The following LYRM4 variants were observed in gnomAD, a reference collection of about 807,000 sequenced individuals.
LYRM4 encodes the protein LYR motif-containing protein 4.
A neutral mutation model predicts 11.7 loss-of-function variants in LYRM4; 9 were observed. The observed-to-expected ratio is 0.77, with a 90% CI of 0.46 to 1.34. The LOEUF is 1.34. Ranked by LOEUF, LYRM4 falls within the 40% of genes most tolerant of loss-of-function variation. The pLI, the probability that LYRM4 is intolerant of heterozygous loss-of-function variation, is 0.00. For synonymous variants in LYRM4, 42 were observed against 40.4 expected (o/e 1.04, Z -0.15); for missense variants, 133 against 112.5 (o/e 1.18, Z -0.82).
At chr6:5,239,685 C>T (rs1403410332) in intron 1 of LYRM4, among the ~76,000 whole-genome samples, 2 of 152,164 alleles carry the variant, frequency 1.3e-5, no homozygotes, top group Non-Finnish European at 2.9e-5. Flanking sequence ...CAGACTGCAG[C>T]AGAGTGAGGA....
At chr6:5,120,991 C>A (rs547193340) in intron 2 of LYRM4, among the ~76,000 whole-genome samples, 2 of 152,288 alleles carry the variant, frequency 1.3e-5, no homozygotes, top group African/African-American at 4.8e-5. Context: ...GGGGTGGGGG[C>A]ACGCATGTCA....
intron 2 of LYRM4, among the ~76,000 whole-genome samples, chr6:5,119,810 A>C (rs963091238): frequency 3.3e-5 from 5 of 151,478 alleles, no homozygotes; most frequent in Non-Finnish European, 5.9e-5. Context: ...AAAAAAAAAA[A>C]AAAAAAAAAA....
intron 2 of LYRM4, among the ~76,000 whole-genome samples, chr6:5,138,968 T>C (rs1001162354): frequency 1.3e-5 from 2 of 152,254 alleles, no homozygotes; most frequent in South Asian, 2.1e-4. Flanking sequence ...AAAGTGATTG[T>C]TGCACATAAG....
chr6:5,120,376 G>A (rs144645434), intron 2 of LYRM4, among the ~76,000 whole-genome samples: 69 of 152,294 alleles, frequency 4.5e-4, no homozygotes, highest in African/African-American at 1.6e-3. Flanking sequence ...CTGCTTTGTA[G>A]TGTGCCCGGA....
the LYRM4 span, among the ~76,000 whole-genome samples, chr6:5,096,498 C>A: frequency 6.6e-6 from 1 of 151,972 alleles, no homozygotes. Context: ...AAAAAACAAA[C>A]ACAAAAATCC....
At chr6:5,085,593 G>T in the LYRM4 span, 1 of 1,546,382 alleles carries the variant, frequency 6.5e-7, no homozygotes. Context: ...CCTGTGTGCA[G>T]GGTGGCGGCG....
the LYRM4 span, among the ~76,000 whole-genome samples, chr6:5,041,787 G>A: frequency 4.6e-5 from 7 of 152,154 alleles, no homozygotes; most frequent in African/African-American, 1.4e-4. Context: ...TCTGCTTCTT[G>A]TAATTCATCT....
At chr6:5,259,370 A>T (rs1764840141) in intron 1 of LYRM4, among the ~76,000 whole-genome samples, 1 of 152,072 alleles carries the variant, frequency 6.6e-6, no homozygotes, top group Non-Finnish European at 1.5e-5. Flanking sequence ...TTATTATTAC[A>T]CTCTTTATTC....
the LYRM4 span, chr6:5,066,701 T>C: frequency 1.1e-6 from 1 of 884,688 alleles, no homozygotes; most frequent in Non-Finnish European, 1.9e-6. Context: ...GGTGTGGAGG[T>C]CTATTTTGTT....
chr6:5,124,792 C>G (rs1458874803), intron 2 of LYRM4, among the ~76,000 whole-genome samples: 2 of 152,326 alleles, frequency 1.3e-5, no homozygotes, highest in East Asian at 3.9e-4. Flanking sequence ...CTCTGCCTCC[C>G]CAGAGATTAT....
chr6:5,172,419 CCA>C (rs1250817765), intron 2 of LYRM4, among the ~76,000 whole-genome samples: 1 of 152,162 alleles, frequency 6.6e-6, no homozygotes, highest in East Asian at 1.9e-4. Flanking sequence ...GGAACGATGA[CCA>C]CAGTTTCACG....
At chr6:5,086,622 C>A in the LYRM4 span, 1 of 1,332,584 alleles carries the variant, frequency 7.5e-7, no homozygotes, top group Non-Finnish European at 1.0e-6. Context: ...GCTCGGGCTG[C>A]CGCCTCAAGG....
At chr6:5,130,637 C>A (rs973742668) in intron 2 of LYRM4, among the ~76,000 whole-genome samples, 2 of 152,034 alleles carry the variant, frequency 1.3e-5, no homozygotes, top group African/African-American at 4.8e-5. Flanking sequence ...GAGAGGAAGA[C>A]AACAAGTGGT....
At position 5,108,927 on chromosome 6, in the gene LYRM4, G is replaced by C. The variant is rs1231104760; in HGVS notation, c.*496C>G. 10 of 995,782 alleles carry C rather than the reference G, an allele frequency of 1.0e-5. No individual in the cohort carries two copies. The highest frequency in any genetic ancestry group is 1.2e-5 in the Non-Finnish European group (10 of 835,360). 61.7% of individuals were successfully genotyped at this position (995,782 alleles called of 1,614,324 possible). ...TACTCCATGCTGCCCCCAGTCTCAA[G>C]TGGTGCTTGAACTTGCCTTCACCAA... is the stretch of plus-strand genomic sequence containing the variant. On this transcript the variant is annotated 3_prime_UTR_variant, in exon 3 of 3. Coordinates refer to ENST00000330636, the MANE Select transcript of LYRM4 (RefSeq NM_020408.6).
At position 5,127,374 on chromosome 6, in the gene LYRM4, C is replaced by T. The variant is rs143475427; in HGVS notation, c.208-17883G>A. 1.1e-4 allele frequency among the ~76,000 whole-genome samples: 16 copies of T among 152,246 alleles called. No individual in the cohort carries two copies. The East Asian group carries it at 2.9e-3, about 28-fold the overall frequency. On this transcript the variant is annotated intron_variant, in intron 2 of 2. Transcript: ENST00000330636. Reference sequence around the variant, plus strand: ...CGCTGCGATTACAGGCATAAGCCACCGTGCCCGGCTGAATAATATACCTTA... The same window carrying T: ...CGCTGCGATTACAGGCATAAGCCACTGTGCCCGGCTGAATAATATACCTTA...
intron 2 of LYRM4, among the ~76,000 whole-genome samples, chr6:5,177,479 C>T (rs966195486): frequency 6.6e-6 from 1 of 152,234 alleles, no homozygotes; most frequent in African/African-American, 2.4e-5. Context: ...GAGACACAAG[C>T]TCTTGGTGTC....
At chr6:5,051,269 T>C in the LYRM4 span, among the ~76,000 whole-genome samples, 2 of 152,134 alleles carry the variant, frequency 1.3e-5, no homozygotes, top group East Asian at 3.9e-4. Flanking sequence ...TTTGAATAAA[T>C]AGTGGTTAAA....
At chr6:5,066,876 A>G in the LYRM4 span, 1 of 991,816 alleles carries the variant, frequency 1.0e-6, no homozygotes, top group South Asian at 1.6e-5. Context: ...CCTCGCCGGC[A>G]AGTGCTTTCG....
Position 5,254,808 on chromosome 6 carries a change from C to T in LYRM4, c.86+5840G>A, listed in dbSNP as rs146498502. Among the ~76,000 whole-genome samples the T allele has an allele frequency of 4.5e-3, 693 of 152,310 alleles. 2 individuals are homozygous for T. The highest frequency in any genetic ancestry group is 7.3e-3 in the Non-Finnish European group (496 of 68,018). On this transcript the variant is annotated intron_variant, in intron 1 of 2. Transcript: ENST00000330636. ...TCCAAGACCAACCCCACCAGCTGTG[C>T]TCTCAGGTACCACTTTTCACCTCTC... is the stretch of plus-strand genomic sequence containing the variant.
Sources: gnomAD v4.1 joint callset for allele counts (sites outside exome capture counted in the v4.1 genomes callset) on GRCh38, gnomAD v4.1.1 for gene constraint, MANE v1.5 for transcripts, NCBI Gene and HGNC (gene_info 2026-07-23, HGNC 2026-07-21) for gene names.